STK32B: variants seen among roughly 807,000 people sequenced by gnomAD.
STK32B encodes the protein serine/threonine kinase 32B, also known as serine/threonine-protein kinase 32B.
In STK32B, 43 loss-of-function variants were observed where a neutral mutation model predicts 52.6. The ratio of observed to expected loss-of-function variants is 0.82; its 90% confidence interval spans 0.64 to 1.05. STK32B has a LOEUF of 1.05. STK32B is among the 50% of genes least tolerant of loss of function. STK32B has a pLI of 0.00. For missense variants in STK32B, 621 were observed against 534.6 expected (o/e 1.16, Z -1.59); for synonymous variants, 238 against 204.3 (o/e 1.17, Z -1.41).
intron 1 of STK32B, among the ~76,000 whole-genome samples, chr4:5,085,226 A>G (rs954250368): frequency 4.6e-5 from 7 of 152,216 alleles, no homozygotes; most frequent in African/African-American, 1.7e-4. Context: ...TTTGTGTATA[A>G]AATAGGAAAT....
At chr4:5,134,402 TCC>T (rs1041171629) in intron 1 of STK32B, among the ~76,000 whole-genome samples, 35 of 152,188 alleles carry the variant, frequency 2.3e-4, no homozygotes, top group African/African-American at 8.4e-4. Context: ...CCCCTCTTGC[TCC>T]TTTGTTATCT....
the STK32B span, among the ~76,000 whole-genome samples, chr4:5,030,917 G>GGA: frequency 6.6e-6 from 1 of 151,720 alleles, no homozygotes; most frequent in African/African-American, 2.4e-5. Context: ...ACATATACAT[G>GGA]GAGAGAGAGA....
At chr4:5,179,419 T>A (rs1434659618) in intron 3 of STK32B, among the ~76,000 whole-genome samples, 3 of 152,212 alleles carry the variant, frequency 2.0e-5, no homozygotes, top group Non-Finnish European at 4.4e-5. Flanking sequence ...TATCACTTAT[T>A]TATATAGTAT....
In STK32B at chr4:5,127,170, C is replaced by T. The variant is rs185050193; in HGVS notation, c.53-12735C>T. The T allele has an allele frequency of 6.6e-5, 32 of 488,350 alleles. No individual in the cohort carries two copies. In the East Asian group the frequency reaches 1.8e-3, roughly 27 times the overall value. 30.3% of individuals were successfully genotyped at this position (488,350 alleles called of 1,614,324 possible). A position where few individuals can be genotyped will look rare whatever the true frequency, so the allele number is the denominator to read the frequency against. On this transcript the variant is annotated intron_variant, in intron 1 of 11. Transcript: ENST00000282908. ...AATGATTACATTTTTACTTATCTTT[C>T]CGTTAAACATAAGCAAACATCTTCC... is the stretch of plus-strand genomic sequence containing the variant.
intron 3 of STK32B, among the ~76,000 whole-genome samples, chr4:5,194,311 T>C (rs1721473573): frequency 6.6e-6 from 1 of 152,208 alleles, no homozygotes; most frequent in Non-Finnish European, 1.5e-5. Flanking sequence ...GAATTAGATA[T>C]TTGTACTTGG....
chr4:5,231,937 A>G (rs1724301780), intron 3 of STK32B, among the ~76,000 whole-genome samples: 2 of 152,220 alleles, frequency 1.3e-5, no homozygotes, highest in South Asian at 2.1e-4. Context: ...GGACAAAGAT[A>G]CACAGAAGAA....
chr4:5,315,515 C>T lies in STK32B; in HGVS notation c.261-15705C>T, dbSNP rs191209717. Among the ~76,000 whole-genome samples the T allele has an allele frequency of 1.7e-3, 263 of 151,890 alleles. 3 individuals carry two copies. The highest frequency in any genetic ancestry group is 6.1e-3 in the African/African-American group (252 of 41,432). Reference sequence around the variant, plus strand: ...TATCTAAAACTGTATGTATGTTTATCTGTTTTACAATTTTATATGATTTAT... The same window carrying T: ...TATCTAAAACTGTATGTATGTTTATTTGTTTTACAATTTTATATGATTTAT... On this transcript the variant is annotated intron_variant, in intron 3 of 11. Coordinates refer to ENST00000282908, the MANE Select transcript of STK32B (RefSeq NM_018401.3).
intron 3 of STK32B, among the ~76,000 whole-genome samples, chr4:5,280,799 T>C (rs1728142483): frequency 6.6e-6 from 1 of 152,086 alleles, no homozygotes; most frequent in Non-Finnish European, 1.5e-5. Flanking sequence ...CTTGGGAGAC[T>C]GAGGCAGGAG....
At chr4:5,253,669 C>T (rs190955420) in intron 3 of STK32B, among the ~76,000 whole-genome samples, 2 of 152,128 alleles carry the variant, frequency 1.3e-5, no homozygotes, top group Admixed American at 1.3e-4. Flanking sequence ...GACACTGCAC[C>T]CAGCCTGCAG....
intron 11 of STK32B, 150 bp from the exon 12 acceptor site, chr4:5,498,795 C>G: frequency 8.4e-7 from 1 of 1,195,492 alleles, no homozygotes; most frequent in Non-Finnish European, 1.1e-6. Flanking sequence ...CAGTGCACAG[C>G]ACCGTGGATG....
At position 5,346,081 on chromosome 4, in the gene STK32B, A is replaced by G. The variant is rs1325334205; in HGVS notation, c.434+14688A>G. Among the ~76,000 whole-genome samples the G allele has an allele frequency of 2.1e-4, 32 of 152,200 alleles. 1 individual carries two copies. Among genetic ancestry groups the G allele is most frequent in the Admixed American group, 2.1e-3 (32 of 15,286 alleles). On this transcript the variant is annotated intron_variant, in intron 4 of 11. Coordinates refer to ENST00000282908, the MANE Select transcript of STK32B (RefSeq NM_018401.3). ...GAGCTTGTGCCTCCTGAATCCTGGAAAGGCAAACTATCTTAACTCCTGATA... is the reference window on the plus strand; with the variant it reads ...GAGCTTGTGCCTCCTGAATCCTGGAGAGGCAAACTATCTTAACTCCTGATA...
intron 3 of STK32B, among the ~76,000 whole-genome samples, chr4:5,314,180 G>C (rs1730501364): frequency 6.6e-6 from 1 of 152,050 alleles, no homozygotes. Context: ...TGTAACTGTA[G>C]TAATCAAGAC....
chr4:5,035,855 C>G, the STK32B span, among the ~76,000 whole-genome samples: 1 of 150,440 alleles, frequency 6.6e-6, no homozygotes, highest in African/African-American at 2.4e-5. Context: ...GATCTTGGCT[C>G]ACTGCAACCT....
chr4:5,462,404 C>CTG (rs375327182), intron 9 of STK32B, among the ~76,000 whole-genome samples: 38 of 150,210 alleles, frequency 2.5e-4, no homozygotes, highest in East Asian at 9.7e-4. Context: ...GTGTGTGCAT[C>CTG]TGTGTGTGTG....
intron 3 of STK32B, among the ~76,000 whole-genome samples, chr4:5,241,181 G>A (rs980974022): frequency 2.0e-5 from 3 of 152,016 alleles, no homozygotes; most frequent in African/African-American, 4.8e-5. Flanking sequence ...TGTTCCTGAT[G>A]TACTATTTTT....
the STK32B span, among the ~76,000 whole-genome samples, chr4:5,040,962 GTCTCA>G: frequency 9.2e-5 from 14 of 152,170 alleles, no homozygotes; most frequent in African/African-American, 3.1e-4. Context: ...AAATACAGTA[GTCTCA>G]TCTCATGGGG....
chr4:5,354,079 G>A (rs1734022043), intron 4 of STK32B, among the ~76,000 whole-genome samples: 2 of 152,182 alleles, frequency 1.3e-5, no homozygotes, highest in South Asian at 4.1e-4. Flanking sequence ...CATGTCATTT[G>A]CAGCAACATG....
intron 3 of STK32B, among the ~76,000 whole-genome samples, chr4:5,245,620 G>A (rs1230326252): frequency 6.6e-6 from 1 of 152,102 alleles, no homozygotes; most frequent in African/African-American, 2.4e-5. Flanking sequence ...TCATTATGAT[G>A]TTAGCTGGTT....
intron 1 of STK32B, among the ~76,000 whole-genome samples, chr4:5,095,748 G>C (rs993168465): frequency 6.6e-6 from 1 of 152,236 alleles, no homozygotes; most frequent in Non-Finnish European, 1.5e-5. Context: ...CCACCGTCAT[G>C]ACTGACCCTT....
Sources: gnomAD v4.1 joint callset for allele counts (sites outside exome capture counted in the v4.1 genomes callset) on GRCh38, gnomAD v4.1.1 for gene constraint, MANE v1.5 for transcripts, NCBI Gene and HGNC (gene_info 2026-07-23, HGNC 2026-07-21) for gene names.